Variants in IFIT2 observed in about 807,000 individuals in gnomAD.
The protein encoded by IFIT2 is interferon induced protein with tetratricopeptide repeats 2.
IFIT2 carries 3 observed loss-of-function variants against 2.5 expected under a neutral mutation model. The observed-to-expected ratio is 1.21, with a 90% CI of 0.55 to 3.14. The LOEUF is 3.14. Among genes scored for constraint, IFIT2 ranks in the 30% most tolerant of loss-of-function variants. The pLI, the probability that IFIT2 is intolerant of heterozygous loss-of-function variation, is 0.03. For synonymous variants in IFIT2, 212 were observed against 200.7 expected (o/e 1.06, Z -0.48); for missense variants, 493 against 558.9 (o/e 0.88, Z 1.19).
rs1843480325 is a variant in IFIT2 at position 89,306,527 on chromosome 10, T to C, written c.571T>C (p.Ser191Pro). ...ASYRLDNWPP[S>P]QNAIDPLRQA... ...CTACCGTCTGGACAACTGGCCACCA[T>C]CTCAGAACGCCATTGACCCTCTGAG... The change falls in exon 2 of 2, where the codon TCT becomes CCT. Residue 191 changes from serine (S) to proline (P), a missense_variant. Ser to Pro is a moderately conservative substitution (Grantham distance 74, BLOSUM62 -1). Coordinates refer to ENST00000371826, the MANE Select transcript of IFIT2 (RefSeq NM_001547.5). The C allele has an allele frequency of 2.5e-6, 4 of 1,614,088 alleles. No homozygotes were observed. Among genetic ancestry groups the C allele is most frequent in the Non-Finnish European group, 3.4e-6 (4 of 1,179,984 alleles).
rs753425334 is a variant in IFIT2 at position 89,302,137 on chromosome 10, T to C, written c.5+9T>C. 2.5e-6 allele frequency: 4 copies of C among 1,613,790 alleles called. No individual in the cohort carries two copies. The highest frequency in any genetic ancestry group is 1.1e-5 in the South Asian group (1 of 91,082). On this transcript the variant is annotated intron_variant, in intron 1 of 1. Transcript: ENST00000371826. ...TGCACTGCAACCATGAGGTAAATAT[T>C]TTCCCTTCGTATTCGGTAGTGCTGT...
chr10:89,305,265 A>C (rs1843471054), intron 1 of IFIT2, among the ~76,000 whole-genome samples: 1 of 152,172 alleles, frequency 6.6e-6, no homozygotes, highest in African/African-American at 2.4e-5. Context: ...GGAAAAATTC[A>C]CAGAAAAAAA....
intron 1 of IFIT2, among the ~76,000 whole-genome samples, chr10:89,302,513 G>C (rs1843451800): frequency 6.6e-6 from 1 of 152,278 alleles, no homozygotes; most frequent in Non-Finnish European, 1.5e-5. Context: ...TTAAGTTGGG[G>C]ACTTGTAATA....
chr10:89,303,047 C>CT (rs1278361072), intron 1 of IFIT2, among the ~76,000 whole-genome samples: 6 of 149,010 alleles, frequency 4.0e-5, no homozygotes, highest in African/African-American at 7.4e-5. Context: ...TTACAGATTT[C>CT]TTTTTTTTGT....
chr10:89,308,403 G>A lies in IFIT2; in HGVS notation c.*1028G>A, dbSNP rs1180331095. The A allele has an allele frequency of 3.3e-5, 5 of 152,024 alleles. No homozygotes were observed. The highest frequency in any genetic ancestry group is 1.9e-4 in the East Asian group (1 of 5,188). The allele number at this position is 152,024 out of a possible 1,614,324, so 9.4% of individuals were successfully genotyped here. On this transcript the variant is annotated 3_prime_UTR_variant, in exon 2 of 2. Coordinates refer to ENST00000371826, the MANE Select transcript of IFIT2 (RefSeq NM_001547.5). ...TGAGACGGTAGGAAAGCAACAAAACGTGGGAACCTGGTGACTAAGGGCCTG... is the reference window on the plus strand; with the variant it reads ...TGAGACGGTAGGAAAGCAACAAAACATGGGAACCTGGTGACTAAGGGCCTG...
Position 89,307,385 on chromosome 10 carries a change from A to C in IFIT2, c.*10A>C. 2 of 1,581,136 alleles carry C rather than the reference A, an allele frequency of 1.3e-6. No individual in the cohort carries two copies. Among genetic ancestry groups the C allele is most frequent in the Non-Finnish European group, 1.7e-6 (2 of 1,159,558 alleles). Reference sequence around the variant, plus strand: ...CTGGAATGGGGAATGAAGAATAGAGATGTGGTGCCCACTAGGCTACTGCTG... The same window carrying C: ...CTGGAATGGGGAATGAAGAATAGAGCTGTGGTGCCCACTAGGCTACTGCTG... On this transcript the variant is annotated 3_prime_UTR_variant, in exon 2 of 2. Transcript: ENST00000371826.
At position 89,303,240 on chromosome 10, in the gene IFIT2, T is replaced by C. The variant is rs368060439; in HGVS notation, c.5+1112T>C. Reference sequence around the variant, plus strand: ...AGACAGTGGTTCTCAAAATTGAGCATGCATAAAAATTGCCTGGACAGCTTA... The same window carrying C: ...AGACAGTGGTTCTCAAAATTGAGCACGCATAAAAATTGCCTGGACAGCTTA... On this transcript the variant is annotated intron_variant, in intron 1 of 1. Transcript: ENST00000371826. Among the ~76,000 whole-genome samples the C allele has an allele frequency of 9.8e-4, 149 of 152,306 alleles. 3 individuals are homozygous for C. The South Asian group carries it at 0.029, about 30-fold the overall frequency.
chr10:89,306,440 G>C lies in IFIT2; in HGVS notation c.484G>C (p.Glu162Gln). The C allele has an allele frequency of 6.2e-7, 1 of 1,614,120 alleles. No individual in the cohort carries two copies. Residue 162 changes from glutamate to glutamine, a missense_variant, in exon 2 of 2, where the codon GAG becomes CAG. Transcript: ENST00000371826. ...NQNERAKVCF[E>Q]KALEKKPKNP... Reference sequence around the variant, plus strand: ...AAATGAAAGAGCGAAGGTGTGCTTTGAGAAGGCTCTGGAAAAGAAGCCAAA... The same window carrying C: ...AAATGAAAGAGCGAAGGTGTGCTTTCAGAAGGCTCTGGAAAAGAAGCCAAA...
rs946174670 is a variant in IFIT2 at position 89,307,503 on chromosome 10, T to G, written c.*128T>G. 1.3e-6 allele frequency: 1 copy of G among 746,940 alleles called. No individual in the cohort carries two copies. The highest frequency in any genetic ancestry group is 2.8e-5 in the Admixed American group (1 of 35,348). The allele number at this position is 746,940 out of a possible 1,614,324, so 46.3% of individuals were successfully genotyped here. On this transcript the variant is annotated 3_prime_UTR_variant, in exon 2 of 2. Coordinates refer to ENST00000371826, the MANE Select transcript of IFIT2 (RefSeq NM_001547.5). Reference sequence around the variant, plus strand: ...TGGACTAAGACACTGGCCATACCACTGGACAGGGTTATGTTAACACCTGAA... The same window carrying G: ...TGGACTAAGACACTGGCCATACCACGGGACAGGGTTATGTTAACACCTGAA...
chr10:89,304,260 C>G (rs544789551), intron 1 of IFIT2, among the ~76,000 whole-genome samples: 1 of 149,836 alleles, frequency 6.7e-6, no homozygotes, highest in Non-Finnish European at 1.5e-5. Context: ...TGTAACTAAC[C>G]CCAGGTGCGG....
Position 89,302,701 on chromosome 10 carries a change from A to G in IFIT2, c.5+573A>G, listed in dbSNP as rs994752609. Among the ~76,000 whole-genome samples, 24 of 152,240 alleles carry G rather than the reference A, an allele frequency of 1.6e-4. 1 individual carries two copies. The highest frequency in any genetic ancestry group is 2.9e-5 in the Non-Finnish European group (2 of 68,040). ...CCAAAATGCCTCCTGAGTATGAATT[A>G]GAGATGGAGTGCTTGGAGAAAATAG... On this transcript the variant is annotated intron_variant, in intron 1 of 1. Transcript: ENST00000371826.
chr10:89,303,800 A>T (rs1344891743), intron 1 of IFIT2, among the ~76,000 whole-genome samples: 1 of 152,218 alleles, frequency 6.6e-6, no homozygotes, highest in Non-Finnish European at 1.5e-5. Context: ...CTCAACTGGA[A>T]GTTGGAAATA....
chr10:89,304,870 T>C (rs916404262), intron 1 of IFIT2, among the ~76,000 whole-genome samples: 2 of 151,890 alleles, frequency 1.3e-5, no homozygotes, highest in African/African-American at 2.4e-5. Flanking sequence ...GTCATAAGGG[T>C]ACCCTAAAGA....
chr10:89,305,440 CTAAGGAAT>C (rs1843472128), intron 1 of IFIT2, among the ~76,000 whole-genome samples: 2 of 151,914 alleles, frequency 1.3e-5, no homozygotes, highest in Non-Finnish European at 1.5e-5. Context: ...TGAAGGAGAA[CTAAGGAAT>C]TAAGAATATC....
intron 1 of IFIT2, among the ~76,000 whole-genome samples, chr10:89,303,079 C>A (rs774180631): frequency 4.0e-5 from 6 of 151,030 alleles, no homozygotes; most frequent in Non-Finnish European, 7.4e-5. Flanking sequence ...ATCTATAGAA[C>A]CCTTTTCTTA....
rs1169308431 is a variant in IFIT2 at position 89,306,435 on chromosome 10, G to A, written c.479G>A (p.Cys160Tyr). 4.3e-6 allele frequency: 7 copies of A among 1,614,134 alleles called. No individual in the cohort carries two copies. Among genetic ancestry groups the A allele is most frequent in the Non-Finnish European group, 4.2e-6 (5 of 1,180,014 alleles). The change falls in exon 2 of 2, where the codon TGC (cysteine) becomes TAC (tyrosine). Residue 160 changes from cysteine (C) to tyrosine (Y), a missense_variant. By Grantham distance (194) the Cys-to-Tyr change is radical. Coordinates refer to ENST00000371826, the MANE Select transcript of IFIT2 (RefSeq NM_001547.5). ...GGNQNERAKV[C>Y]FEKALEKKPK... ...AACCAAAATGAAAGAGCGAAGGTGT[G>A]CTTTGAGAAGGCTCTGGAAAAGAAG...
rs1041894109 is a variant in IFIT2 at position 89,307,508 on chromosome 10, A to G, written c.*133A>G. The G allele has an allele frequency of 2.3e-5, 17 of 729,452 alleles. No homozygotes were observed. Among genetic ancestry groups the G allele is most frequent in the Non-Finnish European group, 3.3e-5 (15 of 453,034 alleles). The allele number at this position is 729,452 out of a possible 1,614,324, so 45.2% of individuals were successfully genotyped here. A position where few individuals can be genotyped will look rare whatever the true frequency, so the allele number is the denominator to read the frequency against. Reference sequence around the variant, plus strand: ...TAAGACACTGGCCATACCACTGGACAGGGTTATGTTAACACCTGAATTGCT... The same window carrying G: ...TAAGACACTGGCCATACCACTGGACGGGGTTATGTTAACACCTGAATTGCT... On this transcript the variant is annotated 3_prime_UTR_variant, in exon 2 of 2. Transcript: ENST00000371826.
chr10:89,302,250 T>A, intron 1 of IFIT2, 122 bp downstream of exon 1: 1 of 988,930 alleles, frequency 1.0e-6, no homozygotes, highest in Admixed American at 1.8e-5. Context: ...AGCCTTACTA[T>A]GCCTCTACCT....
At position 89,307,354 on chromosome 10, in the gene IFIT2, A is replaced by G; in HGVS notation, c.1398A>G (p.Ala466=). The G allele has an allele frequency of 2.5e-6, 4 of 1,602,858 alleles. No homozygotes were observed. Among genetic ancestry groups the G allele is most frequent in the Non-Finnish European group, 3.4e-6 (4 of 1,171,810 alleles). Residue 466 remains alanine (A), a synonymous_variant, in exon 2 of 2, where the codon GCA becomes GCG. Transcript: ENST00000371826. ...AGTCTGGAAGCCTCATCCCTTCAGC[A>G]TCAAGCTGGAATGGGGAATGAAGAA... ...GLESGSLIPS[A]SSWNGE
Sources: gnomAD v4.1 joint callset for allele counts (sites outside exome capture counted in the v4.1 genomes callset) on GRCh38, gnomAD v4.1.1 for gene constraint, MANE v1.5 for transcripts, NCBI Gene and HGNC (gene_info 2026-07-23, HGNC 2026-07-21) for gene names.